Variants in TPO observed in about 807,000 individuals in gnomAD.
TPO encodes the protein thyroid peroxidase.
Under a neutral mutation model 96.9 loss-of-function variants are expected in TPO, and 78 were observed. That is an observed-to-expected ratio of 0.81 (90% confidence interval 0.67 to 0.97). The LOEUF (loss-of-function observed/expected upper bound fraction) is 0.97, where lower values mean the gene tolerates loss of function less well. TPO is among the 50% of genes least tolerant of loss of function. The pLI is 0.00. For missense variants in TPO, 1,252 were observed against 1,274.8 expected, an observed-to-expected ratio of 0.98 and a Z score of 0.27; for synonymous variants, 547 against 538.0, an observed-to-expected ratio of 1.02 and a Z score of -0.23.
chr2:1,397,589 G>A (rs1662102269), intron 1 of TPO, among the ~76,000 whole-genome samples: 3 of 152,202 alleles, frequency 2.0e-5, no homozygotes, highest in African/African-American at 4.8e-5. Flanking sequence ...CTGAGTCTGA[G>A]GAAAAGCACA....
chr2:1,543,511 T>G lies in TPO; in HGVS notation c.*1037T>G, dbSNP rs1333164750. 6.6e-6 allele frequency: 1 copy of G among 152,184 alleles called. No individual in the cohort carries two copies. The highest frequency in any genetic ancestry group is 6.5e-5 in the Admixed American group (1 of 15,268). The allele number at this position is 152,184 out of a possible 1,614,324, so 9.4% of individuals were successfully genotyped here. On this transcript the variant is annotated 3_prime_UTR_variant, in exon 17 of 17. Coordinates refer to ENST00000329066, the MANE Select transcript of TPO (RefSeq NM_001206744.2). Reference sequence around the variant, plus strand: ...GATGTTTTATTTCGCTCTACTGTTATGTAGAGAAAGCATGGTTTGCTTTTT... The same window carrying G: ...GATGTTTTATTTCGCTCTACTGTTAGGTAGAGAAAGCATGGTTTGCTTTTT...
chr2:1,523,954 T>TA (rs1420784242), intron 15 of TPO, among the ~76,000 whole-genome samples: 1 of 51,364 alleles, frequency 1.9e-5, no homozygotes, highest in Non-Finnish European at 3.5e-5. Context: ...CCTTCCCAAA[T>TA]CCCCCCACTC....
intron 3 of TPO, among the ~76,000 whole-genome samples, 167 bp from the exon 4 acceptor site, chr2:1,433,271 C>T (rs975639994): frequency 3.3e-5 from 5 of 152,154 alleles, no homozygotes; most frequent in Admixed American, 1.3e-4. Context: ...CCAGTGACCC[C>T]GTGGACAGCA....
intron 6 of TPO, among the ~76,000 whole-genome samples, chr2:1,454,300 C>G (rs746648187): frequency 6.6e-6 from 1 of 152,204 alleles, no homozygotes; most frequent in Non-Finnish European, 1.5e-5. Context: ...TTTAACTACT[C>G]ATTTCAATGA....
chr2:1,509,615 C>G (rs1408280569), intron 14 of TPO, among the ~76,000 whole-genome samples: 1 of 148,888 alleles, frequency 6.7e-6, no homozygotes, highest in Non-Finnish European at 1.5e-5. Context: ...AGGATACCCT[C>G]CTGTGTCAGG....
intron 14 of TPO, among the ~76,000 whole-genome samples, chr2:1,515,907 A>C (rs17091772): frequency 0.2 from 30,816 of 151,872 alleles, 3,449 homozygotes; most frequent in African/African-American, 0.3. Flanking sequence ...TAAAAAAAAA[A>C]CGCTGATTGG....
At chr2:1,458,340 G>C (rs774965663) in intron 7 of TPO, among the ~76,000 whole-genome samples, 1 of 151,936 alleles carries the variant, frequency 6.6e-6, no homozygotes, top group Non-Finnish European at 1.5e-5. Flanking sequence ...GCGGACATGT[G>C]TGTATATAGT....
intron 10 of TPO, among the ~76,000 whole-genome samples, chr2:1,489,827 C>T (rs975251014): frequency 7.2e-5 from 11 of 152,222 alleles, no homozygotes; most frequent in African/African-American, 2.7e-4. Flanking sequence ...CTTAATTAAC[C>T]TGTGGGGTTC....
At chr2:1,537,353 A>G (rs1321924254) in intron 15 of TPO, among the ~76,000 whole-genome samples, 1 of 83,758 alleles carries the variant, frequency 1.2e-5, no homozygotes, top group Non-Finnish European at 2.3e-5. Context: ...ACTCTGTTCG[A>G]CCTCCGCCTA....
At chr2:1,528,887 TCCACTGTGTGCAACCTCCTCACGTCCC>T (rs1207604199) in intron 15 of TPO, among the ~76,000 whole-genome samples, 80 of 65,396 alleles carry the variant, frequency 1.2e-3, no homozygotes, top group African/African-American at 4.7e-3. Context: ...CCAAATCCTC[TCCACTGTGTGCAACCTCCTCACGTCCC>T]CCACTGTGTG....
chr2:1,530,653 A>G lies in TPO; in HGVS notation c.2619-9941A>G, dbSNP rs1316622502. On this transcript the variant is annotated intron_variant, in intron 15 of 16. Coordinates refer to ENST00000329066, the MANE Select transcript of TPO (RefSeq NM_001206744.2). ...CCCCGACTCTCTGCAACCTCCCCAA[A>G]TCCCCCACACTGTGTGCAACCTTCT... is the stretch of plus-strand genomic sequence containing the variant. Among the ~76,000 whole-genome samples the G allele has an allele frequency of 4.6e-5, 4 of 87,492 alleles. No individual in the cohort carries two copies. In the Admixed American group the frequency reaches 5.8e-4, roughly 13 times the overall value. The allele number at this position is 87,492 out of a possible 152,430, so 57.4% of individuals were successfully genotyped here. A position where few individuals can be genotyped will look rare whatever the true frequency, so the allele number is the denominator to read the frequency against.
intron 3 of TPO, among the ~76,000 whole-genome samples, chr2:1,429,285 C>T (rs1445420209): frequency 6.6e-6 from 1 of 152,108 alleles, no homozygotes; most frequent in African/African-American, 2.4e-5. Flanking sequence ...TTGTCGGCTT[C>T]ATGAGGCCCT....
intron 14 of TPO, among the ~76,000 whole-genome samples, chr2:1,514,530 C>T (rs965222266): frequency 9.9e-5 from 15 of 152,192 alleles, no homozygotes; most frequent in Admixed American, 1.3e-4. Flanking sequence ...TCAGGGACTC[C>T]CCCTTGCCCA....
rs751524312 is a variant in TPO at position 1,516,950 on chromosome 2, C to T, written c.2586C>T (p.Phe862=). Residue 862 remains phenylalanine, a synonymous_variant, in exon 15 of 17, where the codon TTC becomes TTT. Transcript: ENST00000329066. ...TGGCTGCTCTGCTGATCGGAGGCTT[C>T]GCAGGTCTCACCTCGACGGTGATTT... ...MSLAALLIGG[F]AGLTSTVICR... is the part of the protein sequence containing the mutation. 7.4e-6 allele frequency: 12 copies of T among 1,613,880 alleles called. No individual in the cohort carries two copies. The highest frequency in any genetic ancestry group is 3.3e-5 in the Admixed American group (2 of 60,010).
chr2:1,525,670 A>G (rs13031191), intron 15 of TPO, among the ~76,000 whole-genome samples: 1 of 32 alleles, frequency 0.031, no homozygotes, highest in Non-Finnish European at 0.05. Context: ...CCCACCCACT[A>G]TGTGCAACCT....
At chr2:1,408,896 A>T (rs146300662), upstream of TPO, among the ~76,000 whole-genome samples, 54 of 152,316 alleles carry the variant, frequency 3.5e-4, no homozygotes, top group African/African-American at 1.3e-3. Flanking sequence ...CTTTAGAAAG[A>T]CGTGGCTGAA....
chr2:1,460,095 C>G (rs1209376969), intron 7 of TPO, among the ~76,000 whole-genome samples: 2 of 152,062 alleles, frequency 1.3e-5, no homozygotes, highest in East Asian at 3.9e-4. Context: ...GCCACCATGC[C>G]TGGCTAATTT....
At chr2:1,422,902 C>T (rs867886165) in intron 2 of TPO, 143 bp from the exon 3 acceptor site, 4 of 823,578 alleles carry the variant, frequency 4.9e-6, no homozygotes, top group Middle Eastern at 3.0e-4. Context: ...TGGAGGGAAG[C>T]GACCCCGGGA....
intron 15 of TPO, among the ~76,000 whole-genome samples, chr2:1,529,373 G>A (rs1288786077): frequency 1.6e-5 from 1 of 63,582 alleles, no homozygotes; most frequent in Non-Finnish European, 2.7e-5. Context: ...CCCACTATGT[G>A]CAACGTCCCC....
Sources: gnomAD v4.1 joint callset for allele counts (sites outside exome capture counted in the v4.1 genomes callset) on GRCh38, gnomAD v4.1.1 for gene constraint, MANE v1.5 for transcripts, NCBI Gene and HGNC (gene_info 2026-07-23, HGNC 2026-07-21) for gene names.